CIB1: variants seen among roughly 807,000 people sequenced by gnomAD.
The protein encoded by CIB1 is calcium and integrin binding 1.
A neutral mutation model predicts 25.0 loss-of-function variants in CIB1; 19 were observed. The ratio of observed to expected loss-of-function variants is 0.76; its 90% confidence interval spans 0.53 to 1.12. CIB1 has a LOEUF of 1.12. CIB1 is among the 50% of genes most tolerant of loss of function. CIB1 has a pLI of 0.00. For missense variants in CIB1, 236 were observed against 242.6 expected, an observed-to-expected ratio of 0.97 and a Z score of 0.18; for synonymous variants, 104 against 98.5, an observed-to-expected ratio of 1.06 and a Z score of -0.33.
At chr15:90,235,761 G>A (rs1157211230), upstream of CIB1, among the ~76,000 whole-genome samples, 1 of 151,854 alleles carries the variant, frequency 6.6e-6, no homozygotes, top group Non-Finnish European at 1.5e-5. Flanking sequence ...GTAGAGACGG[G>A]GTTTCACCCT....
the CIB1 span, chr15:90,253,241 C>A: frequency 6.2e-7 from 1 of 1,610,426 alleles, no homozygotes; most frequent in Admixed American, 1.7e-5. Context: ...ATCTCCCTGT[C>A]TCTGCAGTGC....
the CIB1 span, chr15:90,262,388 AG>A: frequency 3.1e-6 from 4 of 1,296,636 alleles, no homozygotes; most frequent in Non-Finnish European, 4.1e-6. Flanking sequence ...ATCAGTCCTA[AG>A]AACAGATTGT....
At position 90,233,687 on chromosome 15, in the gene CIB1, G is replaced by C. The variant is rs1161534473; in HGVS notation, c.68C>G (p.Thr23Arg). 1 of 1,577,206 alleles carries C rather than the reference G, an allele frequency of 6.3e-7. No individual in the cohort carries two copies. Among genetic ancestry groups the C allele is most frequent in the Admixed American group, 1.8e-5 (1 of 54,584 alleles). The stretch of plus-strand genomic sequence containing the variant: ...CACTTACAGGAGGATCTCCTGCTTC[G>C]TCAGGAACGTCAAGTCCTGGAAGGC... ...LAEYQDLTFLTKQEILLAHRR... is the reference protein window; with the variant it reads ...LAEYQDLTFLRKQEILLAHRR... Residue 23 changes from threonine (T) to arginine (R), a missense_variant, in exon 2 of 7, where the codon ACG becomes AGG. Transcript: ENST00000328649.
chr15:90,241,484 T>C, the CIB1 span: 2 of 1,613,688 alleles, frequency 1.2e-6, no homozygotes, highest in Admixed American at 1.7e-5. Context: ...GGATTGAGGC[T>C]GTGCTGCTGA....
chr15:90,260,626 G>A, the CIB1 span, among the ~76,000 whole-genome samples: 1 of 152,162 alleles, frequency 6.6e-6, no homozygotes, highest in Non-Finnish European at 1.5e-5. Flanking sequence ...GCTGAGGTGG[G>A]CGGATCAGGA....
At chr15:90,239,013 A>C (rs1683604970), upstream of CIB1, among the ~76,000 whole-genome samples, 1 of 152,186 alleles carries the variant, frequency 6.6e-6, no homozygotes, top group Admixed American at 6.5e-5. Context: ...ATTTTAAAGG[A>C]AAATAAAAAC....
chr15:90,249,984 C>A, the CIB1 span, among the ~76,000 whole-genome samples: 1 of 118,130 alleles, frequency 8.5e-6, no homozygotes. Flanking sequence ...TAGAGACAGA[C>A]TCTTGCTCTG....
At chr15:90,245,339 G>A in the CIB1 span, 3 of 152,140 alleles carry the variant, frequency 2.0e-5, no homozygotes, top group African/African-American at 7.2e-5. Context: ...GCTGGGTGTG[G>A]GTGCACATCT....
the CIB1 span, chr15:90,258,997 A>G: frequency 6.2e-7 from 1 of 1,610,638 alleles, no homozygotes; most frequent in South Asian, 1.1e-5. Flanking sequence ...CTTTAGATGA[A>G]GAATGTGGCC....
At chr15:90,259,711 T>C in the CIB1 span, among the ~76,000 whole-genome samples, 1 of 152,230 alleles carries the variant, frequency 6.6e-6, no homozygotes, top group Non-Finnish European at 1.5e-5. Flanking sequence ...ACAAATCTCC[T>C]TTAGAAACCA....
the CIB1 span, chr15:90,240,841 A>G: frequency 3.5e-5 from 37 of 1,054,604 alleles, 1 homozygote; most frequent in African/African-American, 4.9e-4. Flanking sequence ...AATAAATACA[A>G]TGACAATCTC....
chr15:90,230,147 T>G lies in CIB1; in HGVS notation c.*337A>C, dbSNP rs1962439828. ...GCGTGGGTGCGGCTTGACTTCCCGC[T>G]GGCCTCTGCTCGATATGCTGCTTAT... On this transcript the variant is annotated 3_prime_UTR_variant, in exon 7 of 7. Coordinates refer to ENST00000328649, the MANE Select transcript of CIB1 (RefSeq NM_006384.4). The G allele has an allele frequency of 1.4e-5, 5 of 348,046 alleles. 1 individual carries two copies. In the South Asian group the frequency reaches 1.7e-4, roughly 12 times the overall value. 21.6% of individuals were successfully genotyped at this position (348,046 alleles called of 1,614,324 possible).
chr15:90,248,074 C>G, the CIB1 span, among the ~76,000 whole-genome samples: 4 of 151,944 alleles, frequency 2.6e-5, no homozygotes, highest in African/African-American at 4.8e-5. Context: ...AGTTCTCACT[C>G]TGTCACCCAA....
chr15:90,251,461 G>C, the CIB1 span: 1 of 1,306,696 alleles, frequency 7.7e-7, no homozygotes, highest in Non-Finnish European at 1.1e-6. Flanking sequence ...CTAGAGAAAA[G>C]GAATTGTGTT....
the CIB1 span, chr15:90,265,524 C>T: frequency 7.2e-7 from 1 of 1,397,898 alleles, no homozygotes; most frequent in Non-Finnish European, 9.3e-7. Context: ...TCAGGGAAGC[C>T]CTCTCCACAG....
Position 90,230,396 on chromosome 15 carries a change from G to A in CIB1, c.*88C>T, listed in dbSNP as rs1012040350. ...GCTCCAGGCTGGGCCAGCTTGGCCC[G>A]CACTGGCAACACAGGCTTGACCTTG... On this transcript the variant is annotated 3_prime_UTR_variant, in exon 7 of 7. Transcript: ENST00000328649. The A allele has an allele frequency of 2.6e-5, 38 of 1,482,584 alleles. No homozygotes were observed. In the Middle Eastern group the frequency reaches 6.5e-4, roughly 26 times the overall value. 91.8% of individuals were successfully genotyped at this position (1,482,584 alleles called of 1,614,324 possible).
At chr15:90,262,252 G>C in the CIB1 span, 1 of 1,434,194 alleles carries the variant, frequency 7.0e-7, no homozygotes, top group Non-Finnish European at 9.2e-7. Context: ...AAGCTGCATT[G>C]CTTCCCAGCA....
chr15:90,257,957 G>A, the CIB1 span: 40 of 1,353,578 alleles, frequency 3.0e-5, no homozygotes, highest in East Asian at 2.5e-4. Context: ...TGCAATTAGC[G>A]TTAGTGTGAG....
At chr15:90,262,602 G>A in the CIB1 span, 35 of 1,533,492 alleles carry the variant, frequency 2.3e-5, no homozygotes, top group Admixed American at 1.0e-4. Context: ...GAGAAAAGCC[G>A]ACCCAGGGCA....
Sources: allele counts gnomAD v4.1 joint callset (sites outside exome capture counted in the v4.1 genomes callset), GRCh38; gene constraint gnomAD v4.1.1; transcripts MANE v1.5; gene names NCBI Gene and HGNC (gene_info 2026-07-23, HGNC 2026-07-21).